Variants in BCAT1 observed in about 807,000 individuals in gnomAD.
BCAT1 encodes the protein branched-chain-amino-acid aminotransferase, cytosolic.
In BCAT1, 48 loss-of-function variants were observed where a neutral mutation model predicts 52.4. That is an observed-to-expected ratio of 0.92 (90% confidence interval 0.73 to 1.16). BCAT1 has a LOEUF of 1.16. Among genes scored for constraint, BCAT1 ranks in the 50% most tolerant of loss-of-function variants. The probability of loss-of-function intolerance (pLI) is 0.00; values close to 1 mark genes in which losing one functional copy is unlikely to be tolerated. For missense variants in BCAT1, 451 were observed against 457.1 expected (o/e 0.99, Z 0.12); for synonymous variants, 167 against 161.3 (o/e 1.04, Z -0.27).
At chr12:24,852,149 C>T (rs1161211250) in intron 5 of BCAT1, among the ~76,000 whole-genome samples, 2 of 152,178 alleles carry the variant, frequency 1.3e-5, no homozygotes, top group African/African-American at 4.8e-5. Context: ...TCCCTTTCAC[C>T]TTCTTCCACT....
At chr12:24,873,469 G>T (rs1942241086) in intron 5 of BCAT1, among the ~76,000 whole-genome samples, 1 of 152,060 alleles carries the variant, frequency 6.6e-6, no homozygotes, top group Non-Finnish European at 1.5e-5. Flanking sequence ...ATCCAACAAA[G>T]TACATGGATT....
intron 5 of BCAT1, among the ~76,000 whole-genome samples, chr12:24,867,526 T>G (rs897484927): frequency 6.6e-6 from 1 of 152,094 alleles, no homozygotes; most frequent in East Asian, 1.9e-4. Flanking sequence ...TTAAATGTCT[T>G]TAAAAACTTA....
intron 2 of BCAT1, among the ~76,000 whole-genome samples, chr12:24,896,136 G>C (rs1253020166): frequency 6.6e-6 from 1 of 152,124 alleles, no homozygotes; most frequent in East Asian, 1.9e-4. Flanking sequence ...TTACAGGCAT[G>C]AGCCACTGTG....
chr12:24,923,411 GTA>G (rs1428002461), intron 1 of BCAT1, among the ~76,000 whole-genome samples: 1 of 152,078 alleles, frequency 6.6e-6, no homozygotes, highest in Non-Finnish European at 1.5e-5. Flanking sequence ...TCAAGTGTGT[GTA>G]TATATATATT....
chr12:24,855,024 CT>C (rs1941631343), intron 5 of BCAT1, among the ~76,000 whole-genome samples: 1 of 152,118 alleles, frequency 6.6e-6, no homozygotes, highest in Non-Finnish European at 1.5e-5. Flanking sequence ...GCTTGAGTTC[CT>C]TCAAGAGAAA....
chr12:24,889,280 C>T (rs977596794), intron 3 of BCAT1, among the ~76,000 whole-genome samples: 5 of 152,202 alleles, frequency 3.3e-5, no homozygotes, highest in African/African-American at 2.4e-5. Context: ...CCCCAGACAA[C>T]GTAGCCACTT....
At chr12:24,900,338 C>A (rs1352464367) in intron 2 of BCAT1, among the ~76,000 whole-genome samples, 1 of 152,174 alleles carries the variant, frequency 6.6e-6, no homozygotes, top group Non-Finnish European at 1.5e-5. Flanking sequence ...TGTGACCCAG[C>A]ATTTTGGGAG....
intron 1 of BCAT1, among the ~76,000 whole-genome samples, chr12:24,915,600 C>T (rs1275380320): frequency 6.6e-6 from 1 of 152,076 alleles, no homozygotes; most frequent in East Asian, 1.9e-4. Flanking sequence ...CATGCTTTAT[C>T]AGAATTTTGC....
At chr12:24,832,133 G>A (rs1307571606) in intron 9 of BCAT1, among the ~76,000 whole-genome samples, 1 of 152,084 alleles carries the variant, frequency 6.6e-6, no homozygotes, top group East Asian at 1.9e-4. Context: ...AGTACTTTTG[G>A]TTAACCAGAA....
intron 5 of BCAT1, among the ~76,000 whole-genome samples, chr12:24,876,416 A>C (rs1211655209): frequency 2.0e-5 from 3 of 152,166 alleles, no homozygotes; most frequent in Admixed American, 1.3e-4. Flanking sequence ...TTAGCTTAGG[A>C]AAATAAGGTT....
At chr12:24,905,958 C>G (rs1410539327) in intron 1 of BCAT1, among the ~76,000 whole-genome samples, 1 of 150,804 alleles carries the variant, frequency 6.6e-6, no homozygotes, top group Non-Finnish European at 1.5e-5. Context: ...TGGAGAGAAA[C>G]AGCCAGATTT....
intron 6 of BCAT1, among the ~76,000 whole-genome samples, chr12:24,844,916 AAG>A (rs1941297246): frequency 6.8e-6 from 1 of 146,474 alleles, no homozygotes; most frequent in Non-Finnish European, 1.5e-5. Context: ...AAAAAAAAAA[AAG>A]AGTCCTTAAA....
At chr12:24,937,726 C>T (rs1591891542) in intron 1 of BCAT1, among the ~76,000 whole-genome samples, 2 of 152,244 alleles carry the variant, frequency 1.3e-5, no homozygotes, top group South Asian at 4.1e-4. Context: ...TGTGATCACT[C>T]TGCTCTGGAG....
intron 9 of BCAT1, chr12:24,830,619 T>C (rs1940622718): frequency 6.6e-6 from 1 of 152,170 alleles, no homozygotes; most frequent in Non-Finnish European, 1.5e-5. Context: ...GATAATTATA[T>C]ATACTTACTT....
At chr12:24,898,331 G>T (rs16928173) in intron 2 of BCAT1, among the ~76,000 whole-genome samples, 25,403 of 151,492 alleles carry the variant, frequency 0.17, 2,201 homozygotes, top group Middle Eastern at 0.27. Flanking sequence ...TGGAAGAATT[G>T]GAATGCCACA....
chr12:24,872,166 AT>A (rs1942199535), intron 5 of BCAT1, among the ~76,000 whole-genome samples: 2 of 152,164 alleles, frequency 1.3e-5, no homozygotes, highest in African/African-American at 4.8e-5. Flanking sequence ...TAAGGAAAAT[AT>A]TTTTCATGGG....
chr12:24,851,130 C>A (rs1416167552), intron 5 of BCAT1, among the ~76,000 whole-genome samples: 1 of 152,154 alleles, frequency 6.6e-6, no homozygotes, highest in Admixed American at 6.6e-5. Flanking sequence ...GATCACTGGG[C>A]TATCCTCAGC....
intron 9 of BCAT1, 130 bp downstream of exon 9, chr12:24,832,593 A>G (rs1940716447): frequency 1.7e-6 from 2 of 1,163,674 alleles, no homozygotes; most frequent in African/African-American, 1.6e-5. Flanking sequence ...TAAAATAAAG[A>G]AAAACAACAA....
chr12:24,888,230 C>G (rs1942737668), intron 3 of BCAT1, among the ~76,000 whole-genome samples: 1 of 152,112 alleles, frequency 6.6e-6, no homozygotes, highest in Non-Finnish European at 1.5e-5. Context: ...GAAAACAGGC[C>G]AGGTGCAGTG....
Sources: gnomAD v4.1 joint callset for allele counts (sites outside exome capture counted in the v4.1 genomes callset) on GRCh38, gnomAD v4.1.1 for gene constraint, MANE v1.5 for transcripts, NCBI Gene and HGNC (gene_info 2026-07-23, HGNC 2026-07-21) for gene names.